The following PRELID2 variants were observed in gnomAD, a reference collection of about 807,000 sequenced individuals.
PRELID2 encodes the protein PRELI domain-containing protein 2.
A neutral mutation model predicts 28.4 loss-of-function variants in PRELID2; 25 were observed. The observed-to-expected ratio is 0.88, with a 90% CI of 0.64 to 1.23. The LOEUF (loss-of-function observed/expected upper bound fraction) is 1.23, where lower values mean the gene tolerates loss of function less well. Ranked by LOEUF, PRELID2 falls within the 50% of genes most tolerant of loss-of-function variation. PRELID2 has a pLI of 0.00. For synonymous variants in PRELID2, 76 were observed against 71.6 expected (o/e 1.06, Z -0.31); for missense variants, 201 against 214.4 (o/e 0.94, Z 0.39).
chr5:145,662,884 T>A (rs981074199), intron 1 of PRELID2, among the ~76,000 whole-genome samples: 31 of 152,202 alleles, frequency 2.0e-4, no homozygotes, highest in African/African-American at 7.5e-4. Flanking sequence ...CAGTTTCAGG[T>A]ATTCTGTGAT....
chr5:145,319,678 CA>C, the PRELID2 span, among the ~76,000 whole-genome samples: 1 of 120,200 alleles, frequency 8.3e-6, no homozygotes, highest in Non-Finnish European at 1.7e-5. Flanking sequence ...GACTCCATCT[CA>C]AAAATAAATA....
chr5:145,814,145 C>T (rs1443950375), intron 4 of PRELID2, among the ~76,000 whole-genome samples: 1 of 152,108 alleles, frequency 6.6e-6, no homozygotes, highest in Admixed American at 6.5e-5. Context: ...TTGAAAAACA[C>T]TCAAAGGAAA....
the PRELID2 span, among the ~76,000 whole-genome samples, chr5:145,357,873 C>T: frequency 2.0e-5 from 3 of 151,668 alleles, no homozygotes; most frequent in Non-Finnish European, 4.4e-5. Flanking sequence ...TCTGTGCGTG[C>T]TGACATTCCT....
At chr5:145,486,421 A>T (rs1046414295) in intron 1 of PRELID2, among the ~76,000 whole-genome samples, 1 of 152,220 alleles carries the variant, frequency 6.6e-6, no homozygotes, top group African/African-American at 2.4e-5. Context: ...AAATGAGGCT[A>T]TTCCTCAGAA....
At chr5:145,437,987 A>G in the PRELID2 span, among the ~76,000 whole-genome samples, 1 of 152,114 alleles carries the variant, frequency 6.6e-6, no homozygotes, top group African/African-American at 2.4e-5. Flanking sequence ...GACAAATGTC[A>G]TCCTGTTTCC....
the PRELID2 span, among the ~76,000 whole-genome samples, chr5:145,306,331 GT>G: frequency 6.6e-6 from 1 of 151,960 alleles, no homozygotes; most frequent in Non-Finnish European, 1.5e-5. Context: ...CTTCAGAATA[GT>G]TTTTTTAATA....
chr5:145,250,968 C>T, the PRELID2 span, among the ~76,000 whole-genome samples: 1 of 152,004 alleles, frequency 6.6e-6, no homozygotes, highest in African/African-American at 2.4e-5. Context: ...CACACAGTGC[C>T]TTTGCAATCA....
chr5:145,376,739 T>A, the PRELID2 span, among the ~76,000 whole-genome samples: 1 of 152,188 alleles, frequency 6.6e-6, no homozygotes, highest in South Asian at 2.1e-4. Flanking sequence ...AATGGTAATA[T>A]CTCCCTTGTT....
chr5:145,714,727 C>G (rs1291375362), intron 1 of PRELID2, among the ~76,000 whole-genome samples: 1 of 151,986 alleles, frequency 6.6e-6, no homozygotes, highest in Non-Finnish European at 1.5e-5. Context: ...TCCAAACTCC[C>G]TTTCTCTCCT....
chr5:145,509,925 A>G (rs1417852352), intron 1 of PRELID2, among the ~76,000 whole-genome samples: 1 of 152,200 alleles, frequency 6.6e-6, no homozygotes, highest in East Asian at 1.9e-4. Context: ...CAGAGCAGAA[A>G]GTAGGCATTT....
the PRELID2 span, among the ~76,000 whole-genome samples, chr5:145,378,411 T>C: frequency 6.6e-6 from 1 of 152,202 alleles, no homozygotes; most frequent in Non-Finnish European, 1.5e-5. Flanking sequence ...CCCATCTCTT[T>C]CAGACACACC....
the PRELID2 span, among the ~76,000 whole-genome samples, chr5:145,312,505 T>C: frequency 6.6e-6 from 1 of 152,206 alleles, no homozygotes; most frequent in Non-Finnish European, 1.5e-5. Flanking sequence ...CCCCATTCTC[T>C]ATCTCCTTTA....
chr5:145,246,897 C>T, the PRELID2 span, among the ~76,000 whole-genome samples: 223 of 152,174 alleles, frequency 1.5e-3, 6 homozygotes, highest in Non-Finnish European at 4.9e-4. Flanking sequence ...TGGCCCTTTC[C>T]GGAAAAGACC....
At chr5:145,429,119 T>A in the PRELID2 span, among the ~76,000 whole-genome samples, 1 of 152,200 alleles carries the variant, frequency 6.6e-6, no homozygotes, top group African/African-American at 2.4e-5. Flanking sequence ...CTTTGGAGAC[T>A]GTGTGAAAAC....
chr5:145,345,832 C>T, the PRELID2 span, among the ~76,000 whole-genome samples: 1 of 152,050 alleles, frequency 6.6e-6, no homozygotes, highest in Non-Finnish European at 1.5e-5. Flanking sequence ...ACCCCCGCCC[C>T]ACCCCACACA....
the PRELID2 span, among the ~76,000 whole-genome samples, chr5:145,340,321 G>T: frequency 2.0e-5 from 3 of 152,088 alleles, no homozygotes; most frequent in African/African-American, 7.2e-5. Context: ...CACCAACATA[G>T]CATGGACTGC....
chr5:145,704,733 G>C (rs1176862239), intron 1 of PRELID2, among the ~76,000 whole-genome samples: 1 of 152,144 alleles, frequency 6.6e-6, no homozygotes, highest in Non-Finnish European at 1.5e-5. Context: ...AGAAAGTTGG[G>C]CCACCTATGT....
At chr5:145,644,601 G>A (rs767368496) in intron 1 of PRELID2, among the ~76,000 whole-genome samples, 20 of 151,896 alleles carry the variant, frequency 1.3e-4, no homozygotes, top group Non-Finnish European at 2.1e-4. Context: ...CTTTAATTTC[G>A]ATGTTAGGGC....
chr5:145,768,936 GA>G (rs200453980), intron 5 of PRELID2, among the ~76,000 whole-genome samples: 28 of 148,356 alleles, frequency 1.9e-4, no homozygotes, highest in Non-Finnish European at 3.0e-4. Flanking sequence ...AAACAAAAAA[GA>G]AAAAAAAACA....
Sources: gnomAD v4.1 joint callset for allele counts (sites outside exome capture counted in the v4.1 genomes callset) on GRCh38, gnomAD v4.1.1 for gene constraint, MANE v1.5 for transcripts, NCBI Gene and HGNC (gene_info 2026-07-23, HGNC 2026-07-21) for gene names.